C3orf70: variants seen among roughly 807,000 people sequenced by gnomAD.
The protein encoded by C3orf70 is chromosome 3 open reading frame 70.
Under a neutral mutation model 20.7 loss-of-function variants are expected in C3orf70, and 15 were observed. The observed-to-expected ratio is 0.72, with a 90% CI of 0.48 to 1.11. The LOEUF is 1.11. Ranked by LOEUF, C3orf70 falls within the 50% of genes most tolerant of loss-of-function variation. C3orf70 has a pLI of 0.00. For missense variants in C3orf70, 332 were observed against 317.6 expected, an observed-to-expected ratio of 1.05 and a Z score of -0.34; for synonymous variants, 161 against 125.7, an observed-to-expected ratio of 1.28 and a Z score of -1.88.
chr3:185,119,926 G>A (rs987067906), intron 1 of C3orf70, among the ~76,000 whole-genome samples: 3 of 150,808 alleles, frequency 2.0e-5, no homozygotes, highest in African/African-American at 7.4e-5. Flanking sequence ...CGAGGTTGAG[G>A]CAGGAGGATC....
At chr3:185,121,682 G>C (rs905340339) in intron 1 of C3orf70, among the ~76,000 whole-genome samples, 1 of 152,186 alleles carries the variant, frequency 6.6e-6, no homozygotes, top group African/African-American at 2.4e-5. Flanking sequence ...TGGAGAAGTA[G>C]TAAGGCTAGG....
Position 185,078,622 on chromosome 3 carries a change from C to T in C3orf70, c.*4385G>A, listed in dbSNP as rs1309258647. 1 of 152,200 alleles carries T rather than the reference C, an allele frequency of 6.6e-6. No individual in the cohort carries two copies. Among genetic ancestry groups the T allele is most frequent in the African/African-American group, 2.4e-5 (1 of 41,452 alleles). The allele number at this position is 152,200 out of a possible 1,614,324, so 9.4% of individuals were successfully genotyped here. The stretch of plus-strand genomic sequence containing the variant: ...CCTCCTCAGTGGGAGAGGACAAAAT[C>T]GTACTACTGAAAAGCCTAAAATATA... On this transcript the variant is annotated 3_prime_UTR_variant, in exon 2 of 2. Transcript: ENST00000335012.
chr3:185,109,628 T>C (rs897161467), intron 1 of C3orf70, among the ~76,000 whole-genome samples: 3 of 152,212 alleles, frequency 2.0e-5, no homozygotes, highest in Non-Finnish European at 2.9e-5. Flanking sequence ...GTAGCTATGA[T>C]AGTGGTTATC....
In C3orf70 at chr3:185,080,295, T is replaced by C. The variant is rs1039181380; in HGVS notation, c.*2712A>G. On this transcript the variant is annotated 3_prime_UTR_variant, in exon 2 of 2. Coordinates refer to ENST00000335012, the MANE Select transcript of C3orf70 (RefSeq NM_001025266.3). ...ATCAACTATTATTAAATCCAAAAAT[T>C]CCATTAAAATTGTGTCTAATCAGAA... 2.6e-5 allele frequency: 4 copies of C among 152,524 alleles called. No homozygotes were observed. Among genetic ancestry groups the C allele is most frequent in the Non-Finnish European group, 4.4e-5 (3 of 68,016 alleles). The allele number at this position is 152,524 out of a possible 1,614,324, so 9.4% of individuals were successfully genotyped here.
chr3:185,086,228 A>C (rs1715457062), intron 1 of C3orf70, among the ~76,000 whole-genome samples: 1 of 151,800 alleles, frequency 6.6e-6, no homozygotes, highest in African/African-American at 2.4e-5. Context: ...CTTCTTCATA[A>C]TTTCTTTGCT....
chr3:185,138,448 T>A (rs6781485), intron 1 of C3orf70, among the ~76,000 whole-genome samples: 139,871 of 149,774 alleles, frequency 0.93, 65,220 homozygotes, highest in Non-Finnish European at 0.95. Flanking sequence ...ACAGTAATAA[T>A]AAAAAAAAAA....
chr3:185,078,435 A>C lies in C3orf70; in HGVS notation c.*4572T>G, dbSNP rs1010468353. On this transcript the variant is annotated 3_prime_UTR_variant, in exon 2 of 2. Coordinates refer to ENST00000335012, the MANE Select transcript of C3orf70 (RefSeq NM_001025266.3). ...GAACAGCTAACTCTCAGTTATCTAC[A>C]GTAATGAAAAAGAGCAGTGACAATT... is the stretch of plus-strand genomic sequence containing the variant. 6.6e-6 allele frequency: 1 copy of C among 152,266 alleles called. No homozygotes were observed. Among genetic ancestry groups the C allele is most frequent in the Non-Finnish European group, 1.5e-5 (1 of 68,050 alleles). 9.4% of individuals were successfully genotyped at this position (152,266 alleles called of 1,614,324 possible).
At chr3:185,138,374 G>C (rs1198717549) in intron 1 of C3orf70, among the ~76,000 whole-genome samples, 1 of 151,300 alleles carries the variant, frequency 6.6e-6, no homozygotes, top group Admixed American at 6.6e-5. Flanking sequence ...CGAGAAAATA[G>C]AAGGGGAAAA....
chr3:185,090,277 AAAAAT>A (rs768364107), intron 1 of C3orf70, among the ~76,000 whole-genome samples: 57 of 152,230 alleles, frequency 3.7e-4, no homozygotes, highest in African/African-American at 9.2e-4. Context: ...ATGAAAAAGA[AAAAAT>A]AAACCCAAAC....
chr3:185,092,394 C>G (rs1274122066), intron 1 of C3orf70, among the ~76,000 whole-genome samples: 9 of 152,088 alleles, frequency 5.9e-5, no homozygotes, highest in South Asian at 2.1e-4. Context: ...CTTCCTGATT[C>G]AGTTGCTTCC....
chr3:185,126,348 A>G (rs1045289540), intron 1 of C3orf70, among the ~76,000 whole-genome samples: 1 of 152,148 alleles, frequency 6.6e-6, no homozygotes, highest in Admixed American at 6.6e-5. Flanking sequence ...TAGCCTAGAG[A>G]AGTTGTTGCA....
chr3:185,122,168 G>C (rs1716315334), intron 1 of C3orf70, among the ~76,000 whole-genome samples: 1 of 150,852 alleles, frequency 6.6e-6, no homozygotes, highest in Non-Finnish European at 1.5e-5. Flanking sequence ...AAGAAAGCTA[G>C]AGTGACTATA....
intron 1 of C3orf70, among the ~76,000 whole-genome samples, chr3:185,092,436 C>G (rs1166641807): frequency 1.3e-5 from 2 of 152,068 alleles, no homozygotes; most frequent in Non-Finnish European, 2.9e-5. Flanking sequence ...TCTCTGCCAC[C>G]TACCTCACCT....
At chr3:185,141,546 T>A (rs561583755) in intron 1 of C3orf70, among the ~76,000 whole-genome samples, 6 of 152,160 alleles carry the variant, frequency 3.9e-5, no homozygotes, top group African/African-American at 1.4e-4. Flanking sequence ...CTGTGGTACA[T>A]GTATACCATG....
chr3:185,143,569 T>G (rs1716799895), intron 1 of C3orf70, among the ~76,000 whole-genome samples: 1 of 152,188 alleles, frequency 6.6e-6, no homozygotes, highest in South Asian at 2.1e-4. Context: ...TTTTTGGCAG[T>G]ATGCTTACAA....
intron 1 of C3orf70, among the ~76,000 whole-genome samples, chr3:185,090,831 G>C (rs1277103205): frequency 1.3e-5 from 2 of 152,104 alleles, no homozygotes; most frequent in Admixed American, 1.3e-4. Context: ...TTTGTACTTT[G>C]AGCTGTGAGG....
chr3:185,115,303 G>A (rs568890519), intron 1 of C3orf70, among the ~76,000 whole-genome samples: 112 of 152,080 alleles, frequency 7.4e-4, no homozygotes, highest in African/African-American at 2.7e-3. Flanking sequence ...GTTAACTGAT[G>A]GACAGATTAG....
chr3:185,114,397 T>A (rs1240657568), intron 1 of C3orf70, among the ~76,000 whole-genome samples: 1 of 152,152 alleles, frequency 6.6e-6, no homozygotes, highest in Non-Finnish European at 1.5e-5. Context: ...TTCCAGATAG[T>A]CTCTATCATG....
chr3:185,152,515 G>T, intron 1 of C3orf70, 113 bp downstream of exon 1: 1 of 933,960 alleles, frequency 1.1e-6, no homozygotes, highest in Non-Finnish European at 1.5e-6. Context: ...CGGCAGAGCA[G>T]CCCCGGCAGA....
Sources: gnomAD v4.1 joint callset for allele counts (sites outside exome capture counted in the v4.1 genomes callset) on GRCh38, gnomAD v4.1.1 for gene constraint, MANE v1.5 for transcripts, NCBI Gene and HGNC (gene_info 2026-07-23, HGNC 2026-07-21) for gene names.